FGF13: variants seen among roughly 807,000 people sequenced by gnomAD.
FGF13 encodes fibroblast growth factor 13, also known as fibroblast growth factor homologous factor 2.
FGF13 carries 2 observed loss-of-function variants against 19.5 expected under a neutral mutation model. That is an observed-to-expected ratio of 0.10 (90% CI 0.04 to 0.32). FGF13 has a LOEUF of 0.32. Ranked by LOEUF, FGF13 falls within the 10% of genes least tolerant of loss-of-function variation. The pLI is 1.00. For missense variants in FGF13, 113 were observed against 192.7 expected (o/e 0.59, Z 2.45); for synonymous variants, 72 against 76.9 (o/e 0.94, Z 0.33).
At chrX:138,673,990 G>C (rs775207196) in intron 3 of FGF13, among the ~76,000 whole-genome samples, 25 of 110,881 alleles carry the variant, frequency 2.3e-4, no homozygotes, top group Non-Finnish European at 4.5e-4. Context: ...CCTTAGGAGG[G>C]GGAGAGGGAG....
intron 1 of FGF13, among the ~76,000 whole-genome samples, chrX:139,179,624 G>T (rs1204378958): frequency 8.9e-6 from 1 of 112,131 alleles, no homozygotes; most frequent in Non-Finnish European, 1.9e-5. Context: ...TATGTGAGAT[G>T]GGGAATATAA....
chrX:139,058,091 T>G (rs2124419461), intron 1 of FGF13, among the ~76,000 whole-genome samples: 1 of 111,886 alleles, frequency 8.9e-6, no homozygotes, highest in Non-Finnish European at 1.9e-5. Context: ...ATTCAGCTAT[T>G]TTGATTTTCT....
At chrX:139,076,585 T>C (rs1246388821) in intron 1 of FGF13, among the ~76,000 whole-genome samples, 1 of 111,996 alleles carries the variant, frequency 8.9e-6, no homozygotes, top group Non-Finnish European at 1.9e-5. Context: ...TCTTCTGTCA[T>C]TTCATTGACC....
At chrX:138,820,217 G>A (rs1396515424) in intron 3 of FGF13, among the ~76,000 whole-genome samples, 1 of 112,081 alleles carries the variant, frequency 8.9e-6, no homozygotes. Flanking sequence ...GAAATAGCAA[G>A]AACCATTCCT....
rs903328507 is a variant in FGF13 at position 138,627,627 on chromosome X, G to A, written c.*5223C>T. 4.0e-5 allele frequency: 3 copies of A among 74,584 alleles called. No individual in the cohort carries two copies. The highest frequency in any genetic ancestry group is 2.0e-4 in the African/African-American group (3 of 15,267). 6.1% of individuals were successfully genotyped at this position (74,584 alleles called of 1,213,427 possible). ...TGTGTGTGTGTGTGTGTGTGTGTGT[G>A]CGCGTGTGTGTGTGTGTGTGTGTGA... On this transcript the variant is annotated 3_prime_UTR_variant, in exon 5 of 5. Transcript: ENST00000315930.
chrX:138,964,025 G>A (rs1351922492), intron 1 of FGF13, among the ~76,000 whole-genome samples: 1 of 111,683 alleles, frequency 9.0e-6, no homozygotes, highest in Non-Finnish European at 1.9e-5. Flanking sequence ...ATAGGCAACT[G>A]TAAATTTTTC....
intron 3 of FGF13, among the ~76,000 whole-genome samples, chrX:138,663,123 C>T (rs185378778): frequency 6.3e-5 from 7 of 110,998 alleles, no homozygotes. Context: ...TTAAGTTATC[C>T]AAGTTAAAAA....
chrX:138,726,939 G>T (rs1197015656), intron 1 of FGF13, among the ~76,000 whole-genome samples: 1 of 110,969 alleles, frequency 9.0e-6, no homozygotes, highest in Non-Finnish European at 1.9e-5. Flanking sequence ...TCTGGCTCTG[G>T]AGTCCCTACT....
At chrX:139,146,415 A>G (rs2083889661) in intron 1 of FGF13, among the ~76,000 whole-genome samples, 2 of 112,339 alleles carry the variant, frequency 1.8e-5, no homozygotes, top group Admixed American at 1.9e-4. Flanking sequence ...CAAAACCACA[A>G]TGAGATACCA....
chrX:138,863,516 A>T (rs1044072590), intron 2 of FGF13, among the ~76,000 whole-genome samples: 1 of 112,102 alleles, frequency 8.9e-6, no homozygotes, highest in African/African-American at 3.2e-5. Flanking sequence ...CCACTACTTG[A>T]ATGTAAGCTC....
intron 3 of FGF13, among the ~76,000 whole-genome samples, chrX:138,760,154 T>C (rs1275120949): frequency 9.0e-6 from 1 of 111,224 alleles, no homozygotes; most frequent in Admixed American, 9.6e-5. Flanking sequence ...TCCTAAACAA[T>C]GCACCGTTAA....
intron 3 of FGF13, among the ~76,000 whole-genome samples, chrX:138,650,337 T>TA (rs933490650): frequency 7.3e-5 from 8 of 110,216 alleles, no homozygotes; most frequent in African/African-American, 1.6e-4. Flanking sequence ...TACCAATCTC[T>TA]AAAAAAAAAT....
At chrX:138,854,657 T>A (rs2091246169), downstream of FGF13, among the ~76,000 whole-genome samples, 1 of 112,529 alleles carries the variant, frequency 8.9e-6, no homozygotes, top group Non-Finnish European at 1.9e-5. Flanking sequence ...GTTTAATTAA[T>A]CATTTCTAAA....
chrX:138,884,349 G>T (rs192912960), intron 1 of FGF13, among the ~76,000 whole-genome samples: 1 of 112,099 alleles, frequency 8.9e-6, no homozygotes, highest in African/African-American at 3.2e-5. Flanking sequence ...TCTTGGATTT[G>T]CTCATTCAGA....
chrX:139,148,500 G>A (rs1294587136), intron 1 of FGF13, among the ~76,000 whole-genome samples: 2 of 104,100 alleles, frequency 1.9e-5, no homozygotes, highest in Non-Finnish European at 3.9e-5. Context: ...AAAAGGGAAA[G>A]AATGACTGAA....
intron 1 of FGF13, among the ~76,000 whole-genome samples, chrX:139,036,461 A>C (rs2124399342): frequency 9.0e-6 from 1 of 111,595 alleles, no homozygotes; most frequent in Non-Finnish European, 1.9e-5. Flanking sequence ...TTGTTTTTGT[A>C]AATTGAAATG....
chrX:138,731,656 A>T (rs1251497982), intron 1 of FGF13, among the ~76,000 whole-genome samples: 1 of 110,614 alleles, frequency 9.0e-6, no homozygotes. Flanking sequence ...AACCCCAAAT[A>T]AGTAGGAAGA....
At chrX:139,151,284 T>A (rs1467214743) in intron 1 of FGF13, among the ~76,000 whole-genome samples, 1 of 111,527 alleles carries the variant, frequency 9.0e-6, no homozygotes, top group Non-Finnish European at 1.9e-5. Context: ...ACTAGAAAAC[T>A]ACGGTGAATA....
chrX:139,062,594 G>A (rs1184572173), intron 1 of FGF13, among the ~76,000 whole-genome samples: 2 of 112,017 alleles, frequency 1.8e-5, no homozygotes, highest in Admixed American at 1.9e-4. Flanking sequence ...GAATGCCACT[G>A]GTACTCTGAC....
Sources: gnomAD v4.1 joint callset for allele counts (sites outside exome capture counted in the v4.1 genomes callset) on GRCh38, gnomAD v4.1.1 for gene constraint, MANE v1.5 for transcripts, NCBI Gene and HGNC (gene_info 2026-07-23, HGNC 2026-07-21) for gene names.